Variants in TCAF1 observed in about 807,000 individuals in gnomAD.
TCAF1 encodes the protein TRPM8 channel-associated factor 1.
In TCAF1, 4 loss-of-function variants were observed where a neutral mutation model predicts 27.3. The observed-to-expected ratio is 0.15, with a 90% confidence interval of 0.07 to 0.34. The LOEUF is 0.34. TCAF1 is among the 10% of genes least tolerant of loss of function. The pLI is 1.00. For synonymous variants in TCAF1, 105 were observed against 167.1 expected, an observed-to-expected ratio of 0.63 and a Z score of 2.87; for missense variants, 257 against 425.8, an observed-to-expected ratio of 0.60 and a Z score of 3.49.
At chr7:143,884,135 T>C (rs979410621) in intron 1 of TCAF1, among the ~76,000 whole-genome samples, 2 of 152,198 alleles carry the variant, frequency 1.3e-5, no homozygotes, top group Non-Finnish European at 2.9e-5. Flanking sequence ...TGGTATACGG[T>C]AAGACTGGAT....
At chr7:143,860,588 A>G (rs2116708676) in intron 5 of TCAF1, 141 bp from the exon 6 acceptor site, 1 of 571,592 alleles carries the variant, frequency 1.7e-6, no homozygotes, top group African/African-American at 1.9e-5. Flanking sequence ...AAGTTCCGGG[A>G]TACATGTGCA....
intron 1 of TCAF1, among the ~76,000 whole-genome samples, chr7:143,889,611 T>A (rs1813555654): frequency 6.6e-6 from 1 of 152,108 alleles, no homozygotes; most frequent in Non-Finnish European, 1.5e-5. Context: ...CAAAGCAGAA[T>A]CAAAGCAATG....
chr7:143,896,045 A>C (rs1036079723), intron 1 of TCAF1, among the ~76,000 whole-genome samples: 1 of 151,874 alleles, frequency 6.6e-6, no homozygotes, highest in Non-Finnish European at 1.5e-5. Context: ...CAATAAATAT[A>C]CACAGATTAT....
chr7:143,881,147 C>T lies in TCAF1; in HGVS notation c.-14-4525G>A, dbSNP rs529375342. On this transcript the variant is annotated intron_variant, in intron 1 of 8. Transcript: ENST00000479870. ...CGTGGAAGGGCAGGTGGATGGAGGG[C>T]CATGCTGGATGCTGCACCACCCATA... Among the ~76,000 whole-genome samples the T allele has an allele frequency of 2.0e-5, 3 of 152,286 alleles. No homozygotes were observed. In the East Asian group the frequency reaches 5.8e-4, roughly 29 times the overall value.
chr7:143,883,329 T>C (rs1487848110), intron 1 of TCAF1, among the ~76,000 whole-genome samples: 1 of 152,116 alleles, frequency 6.6e-6, no homozygotes, highest in African/African-American at 2.4e-5. Flanking sequence ...TACCCATTAA[T>C]ATTGTTTAAC....
At chr7:143,885,588 G>T in intron 1 of TCAF1, 1 of 976,246 alleles carries the variant, frequency 1.0e-6, no homozygotes, top group Non-Finnish European at 1.2e-6. Context: ...AGGGAGCGAT[G>T]GATAAATAAT....
chr7:143,865,144 AT>A (rs751727688), intron 2 of TCAF1, among the ~76,000 whole-genome samples: 1 of 147,834 alleles, frequency 6.8e-6, no homozygotes, highest in African/African-American at 2.5e-5. Context: ...TCTGTTTATA[AT>A]TTTTTTCTCT....
chr7:143,859,857 T>TATATACATATATATATA (rs1811786384), intron 6 of TCAF1, among the ~76,000 whole-genome samples: 1 of 70,808 alleles, frequency 1.4e-5, no homozygotes, highest in African/African-American at 5.3e-5. Context: ...CTAAACTGTT[T>TATATACATATATATATA]TATATACACA....
intron 1 of TCAF1, among the ~76,000 whole-genome samples, chr7:143,883,482 T>C (rs1813195100): frequency 6.6e-6 from 1 of 150,944 alleles, no homozygotes; most frequent in South Asian, 2.1e-4. Flanking sequence ...TCAAATCGCA[T>C]TTCTTTCTTT....
At chr7:143,879,103 T>C (rs1812875923) in intron 1 of TCAF1, among the ~76,000 whole-genome samples, 1 of 152,208 alleles carries the variant, frequency 6.6e-6, no homozygotes, top group Non-Finnish European at 1.5e-5. Context: ...CCAGGCGCCC[T>C]TGGACATGCC....
chr7:143,897,380 C>T (rs1277133105), intron 1 of TCAF1, among the ~76,000 whole-genome samples: 1 of 151,284 alleles, frequency 6.6e-6, no homozygotes, highest in Non-Finnish European at 1.5e-5. Flanking sequence ...GTTTTCTCTT[C>T]CTTATGACTT....
Position 143,876,363 on chromosome 7 carries a change from C to A in TCAF1, c.246G>T (p.Gly82=), listed in dbSNP as rs375081456. Residue 82 remains glycine, a synonymous_variant, in exon 2 of 9, where the codon GGG becomes GGT. Transcript: ENST00000479870. ...GAGCCCCAGGGGAAGAGCAAAGCCA[C>A]CCCACTGCGTTCAGGAGAAAGGGCG... ...QLTPFLLNAV[G]WLCSSPGAPI... is the part of the protein sequence containing the mutation. 3.7e-6 allele frequency: 6 copies of A among 1,614,190 alleles called. No individual in the cohort carries two copies. Among genetic ancestry groups the A allele is most frequent in the Non-Finnish European group, 5.1e-6 (6 of 1,180,030 alleles).
At chr7:143,882,641 C>T (rs1171095691) in intron 1 of TCAF1, 1 of 967,792 alleles carries the variant, frequency 1.0e-6, no homozygotes, top group African/African-American at 1.8e-5. Flanking sequence ...CCGCCCCGGC[C>T]TCCCGCCCTG....
intron 6 of TCAF1, among the ~76,000 whole-genome samples, chr7:143,859,947 TA>T (rs1457057549): frequency 2.3e-4 from 15 of 65,412 alleles, no homozygotes; most frequent in African/African-American, 6.9e-4. Context: ...TATTATATAA[TA>T]TATATTACGG....
At chr7:143,889,571 A>G (rs2116846420) in intron 1 of TCAF1, among the ~76,000 whole-genome samples, 1 of 152,342 alleles carries the variant, frequency 6.6e-6, no homozygotes, top group South Asian at 2.1e-4. Flanking sequence ...CAGGAGAGGA[A>G]ACATGGCTTT....
In TCAF1 at chr7:143,897,226, G is replaced by A. The variant is rs574264747; in HGVS notation, c.-15+4735C>T. 7.2e-5 allele frequency among the ~76,000 whole-genome samples: 10 copies of A among 139,686 alleles called. No homozygotes were observed. The South Asian group carries it at 2.1e-3, about 29-fold the overall frequency. The allele number at this position is 139,686 out of a possible 152,430, so 91.6% of individuals were successfully genotyped here. A position where few individuals can be genotyped will look rare whatever the true frequency, so the allele number is the denominator to read the frequency against. On this transcript the variant is annotated intron_variant, in intron 1 of 8. Transcript: ENST00000479870. ...GAATAATCCAGGTTTGAACCGCGTT[G>A]GTCTGGATTTTCTTCTGTCTCTGCC...
chr7:143,886,488 T>A (rs1813408986), intron 1 of TCAF1: 1 of 984,660 alleles, frequency 1.0e-6, no homozygotes, highest in Non-Finnish European at 1.2e-6. Context: ...TTATTCTTTC[T>A]ATTCCCCACT....
intron 1 of TCAF1, among the ~76,000 whole-genome samples, chr7:143,896,222 T>A (rs377376985): frequency 6.6e-6 from 1 of 151,684 alleles, no homozygotes; most frequent in African/African-American, 2.4e-5. Flanking sequence ...GATTTGATCT[T>A]TGAAAAAAAT....
intron 1 of TCAF1, among the ~76,000 whole-genome samples, chr7:143,891,653 G>A (rs767152254): frequency 3.3e-5 from 5 of 152,012 alleles, no homozygotes; most frequent in Non-Finnish European, 7.4e-5. Flanking sequence ...GAGATAGGGT[G>A]AAAAGTTGTG....
Sources: allele counts gnomAD v4.1 joint callset (sites outside exome capture counted in the v4.1 genomes callset), GRCh38; gene constraint gnomAD v4.1.1; transcripts MANE v1.5; gene names NCBI Gene and HGNC (gene_info 2026-07-23, HGNC 2026-07-21).